RTL4: variants seen among roughly 807,000 people sequenced by gnomAD.
RTL4 encodes the protein retrotransposon Gag-like protein 4.
In RTL4, 4 loss-of-function variants were observed where a neutral mutation model predicts 5.3. The ratio of observed to expected loss-of-function variants is 0.75; its 90% confidence interval spans 0.37 to 1.72. The LOEUF is 1.72. Among genes scored for constraint, RTL4 ranks in the 40% most tolerant of loss-of-function variants. The probability of loss-of-function intolerance (pLI) is 0.04; values close to 1 mark genes in which losing one functional copy is unlikely to be tolerated. For missense variants in RTL4, 260 were observed against 227.1 expected (o/e 1.14, Z -0.93); for synonymous variants, 98 against 87.3 (o/e 1.12, Z -0.68).
At chrX:112,157,146 T>C in the RTL4 span, among the ~76,000 whole-genome samples, 2 of 109,680 alleles carry the variant, frequency 1.8e-5, no homozygotes, top group Admixed American at 2.0e-4. Flanking sequence ...ACCCAGAATA[T>C]CAGCTTTAAT....
chrX:112,119,085 T>C, the RTL4 span, among the ~76,000 whole-genome samples: 17,273 of 105,402 alleles, frequency 0.16, 2,405 homozygotes, highest in African/African-American at 0.44. Flanking sequence ...CTTGAACTCC[T>C]GGGCTCAAGT....
At chrX:112,103,428 G>A in the RTL4 span, among the ~76,000 whole-genome samples, 7 of 111,165 alleles carry the variant, frequency 6.3e-5, no homozygotes, top group Non-Finnish European at 1.1e-4. Context: ...TTGGCTATGG[G>A]GGTGGAGGGA....
chrX:112,228,988 A>G, the RTL4 span, among the ~76,000 whole-genome samples: 1 of 112,139 alleles, frequency 8.9e-6, no homozygotes, highest in Non-Finnish European at 1.9e-5. Flanking sequence ...GTCAAAACCT[A>G]TATGAGGCGA....
At chrX:112,231,019 A>G in the RTL4 span, among the ~76,000 whole-genome samples, 3 of 110,537 alleles carry the variant, frequency 2.7e-5, no homozygotes, top group Middle Eastern at 4.7e-3. Flanking sequence ...CAAAACCACA[A>G]TGAGATACCA....
chrX:112,429,968 G>A, the RTL4 span, among the ~76,000 whole-genome samples: 1 of 110,390 alleles, frequency 9.1e-6, no homozygotes, highest in East Asian at 2.8e-4. Context: ...CTTCTTTGAG[G>A]ATATTTATTT....
the RTL4 span, among the ~76,000 whole-genome samples, chrX:112,169,026 C>CTTTTTCTTTCTTTCTT: frequency 6.7e-4 from 33 of 49,056 alleles, no homozygotes; most frequent in African/African-American, 2.6e-3. Flanking sequence ...CTTTCTCTTT[C>CTTTTTCTTTCTTTCTT]TCTTTCTTTC....
the RTL4 span, among the ~76,000 whole-genome samples, chrX:112,283,139 T>G: frequency 1.8e-5 from 2 of 111,649 alleles, no homozygotes; most frequent in African/African-American, 6.5e-5. Flanking sequence ...GGTCCTAGAA[T>G]GCTTAAATTA....
the RTL4 span, among the ~76,000 whole-genome samples, chrX:112,310,730 T>C: frequency 9.1e-5 from 7 of 76,837 alleles, no homozygotes; most frequent in African/African-American, 3.7e-4. Flanking sequence ...TTATATATTA[T>C]ATATTTATAT....
At chrX:112,356,832 A>G in the RTL4 span, among the ~76,000 whole-genome samples, 1 of 111,788 alleles carries the variant, frequency 8.9e-6, no homozygotes, top group Non-Finnish European at 1.9e-5. Context: ...ATGGATTGGT[A>G]AACCCTGGAT....
the RTL4 span, among the ~76,000 whole-genome samples, chrX:112,378,859 C>G: frequency 2.7e-5 from 3 of 112,393 alleles, no homozygotes; most frequent in Non-Finnish European, 5.6e-5. Flanking sequence ...GAGTCTCCAA[C>G]AGCGTACCAT....
At chrX:112,341,968 C>G in the RTL4 span, among the ~76,000 whole-genome samples, 7 of 111,581 alleles carry the variant, frequency 6.3e-5, no homozygotes, top group East Asian at 2.0e-3. Context: ...CTAATAATAA[C>G]TTTAATGTAC....
chrX:112,211,586 T>C, the RTL4 span, among the ~76,000 whole-genome samples: 1 of 112,271 alleles, frequency 8.9e-6, no homozygotes, highest in Admixed American at 9.4e-5. Context: ...AGGTTTGTTG[T>C]GAACTTTACA....
the RTL4 span, among the ~76,000 whole-genome samples, chrX:112,254,826 G>A: frequency 8.9e-6 from 1 of 111,747 alleles, no homozygotes; most frequent in Non-Finnish European, 1.9e-5. Context: ...GTATAAAAAT[G>A]AGTATATGTT....
the RTL4 span, among the ~76,000 whole-genome samples, chrX:112,273,544 G>A: frequency 1.3e-4 from 15 of 111,775 alleles, no homozygotes; most frequent in Non-Finnish European, 2.3e-4. Context: ...GAGCTACCGC[G>A]CCCAACCAAG....
At chrX:112,209,464 G>A in the RTL4 span, among the ~76,000 whole-genome samples, 2 of 112,121 alleles carry the variant, frequency 1.8e-5, no homozygotes, top group Non-Finnish European at 3.8e-5. Context: ...TGCTGCAGCT[G>A]TCCACTTTCG....
the RTL4 span, among the ~76,000 whole-genome samples, chrX:112,408,359 G>A: frequency 9.1e-6 from 1 of 109,475 alleles, no homozygotes; most frequent in South Asian, 4.0e-4. Context: ...AAATGCAATT[G>A]ACATACTGAA....
At chrX:112,441,698 G>C in the RTL4 span, among the ~76,000 whole-genome samples, 1 of 111,624 alleles carries the variant, frequency 9.0e-6, no homozygotes, top group Admixed American at 9.5e-5. Context: ...AAATGATTGT[G>C]GTAATTATTT....
the RTL4 span, among the ~76,000 whole-genome samples, chrX:112,291,453 A>G: frequency 9.1e-6 from 1 of 110,320 alleles, no homozygotes; most frequent in Non-Finnish European, 1.9e-5. Flanking sequence ...GAGAAGAAAT[A>G]ATAGTGATGT....
chrX:112,249,788 T>TAGAGAGAG, the RTL4 span, among the ~76,000 whole-genome samples: 4 of 97,322 alleles, frequency 4.1e-5, no homozygotes, highest in Non-Finnish European at 8.0e-5. Context: ...TATATATATA[T>TAGAGAGAG]ATATAGAGAG....
Sources: allele counts gnomAD v4.1 joint callset (sites outside exome capture counted in the v4.1 genomes callset), GRCh38; gene constraint gnomAD v4.1.1; transcripts MANE v1.5; gene names NCBI Gene and HGNC (gene_info 2026-07-23, HGNC 2026-07-21).